The following TRAK2 variants were observed in gnomAD, a reference collection of about 807,000 sequenced individuals.
TRAK2 encodes the protein trafficking kinesin-binding protein 2.
Under a neutral mutation model 104.6 loss-of-function variants are expected in TRAK2, and 81 were observed. That is an observed-to-expected ratio of 0.77 (90% confidence interval 0.65 to 0.93). The LOEUF is 0.93. TRAK2 is among the 40% of genes least tolerant of loss of function. The pLI, the probability that TRAK2 is intolerant of heterozygous loss-of-function variation, is 0.00. For synonymous variants in TRAK2, 406 were observed against 394.4 expected, an observed-to-expected ratio of 1.03 and a Z score of -0.35; for missense variants, 1,002 against 1,089.0, an observed-to-expected ratio of 0.92 and a Z score of 1.12.
rs761557672 is a variant in TRAK2, at chr2:201,393,046, G to A, written c.976C>T (p.Leu326=). 6.2e-7 allele frequency: 1 copy of A among 1,608,164 alleles called. No homozygotes were observed. The highest frequency in any genetic ancestry group is 8.5e-7 in the Non-Finnish European group (1 of 1,177,072). Residue 326 remains leucine (L), a splice_region_variant and synonymous_variant, in exon 10 of 16, where the codon CTG becomes TTG. Coordinates refer to ENST00000332624, the MANE Select transcript of TRAK2 (RefSeq NM_015049.3). The part of the protein sequence containing the change: ...KDAQRQLTME[L]HELQDRNMEC... ...ATATTCCTGTCTTGTAACTCGTGCA[G>A]CTAAAAGAAAGGATGGTAGTGTACT...
Position 201,420,521 on chromosome 2 carries a change from T to C in TRAK2, c.-14A>G. On this transcript the variant is annotated 5_prime_UTR_variant, in exon 2 of 16. Transcript: ENST00000332624. ...GGATTGACTCATGCAGGATCCTTTCTTGCTTTGGTTGAGAAGGACAGCTTT... is the reference window on the plus strand; with the variant it reads ...GGATTGACTCATGCAGGATCCTTTCCTGCTTTGGTTGAGAAGGACAGCTTT... 1 of 1,607,778 alleles carries C rather than the reference T, an allele frequency of 6.2e-7. No homozygotes were observed. The highest frequency in any genetic ancestry group is 1.1e-5 in the South Asian group (1 of 90,964).
chr2:201,388,148 C>T, intron 12 of TRAK2, 147 bp from the exon 13 acceptor site: 1 of 825,632 alleles, frequency 1.2e-6, no homozygotes. Flanking sequence ...GTAATAACAA[C>T]AAACCAAAAT....
At chr2:201,412,474 C>T (rs1392392676) in intron 2 of TRAK2, 4 of 1,142,266 alleles carry the variant, frequency 3.5e-6, no homozygotes, top group Non-Finnish European at 5.3e-6. Flanking sequence ...ATCCAACTGC[C>T]TACTGAAACT....
intron 1 of TRAK2, among the ~76,000 whole-genome samples, chr2:201,429,696 A>G (rs1951824300): frequency 6.6e-6 from 1 of 152,158 alleles, no homozygotes; most frequent in South Asian, 2.1e-4. Context: ...TTCTTGTGCC[A>G]TGGTTTTCAG....
At position 201,377,218 on chromosome 2, in the gene TRAK2, G is replaced by A. The variant is rs1181403225; in HGVS notation, c.*3325C>T. On this transcript the variant is annotated 3_prime_UTR_variant, in exon 16 of 16. Coordinates refer to ENST00000332624, the MANE Select transcript of TRAK2 (RefSeq NM_015049.3). ...CACAGGGAGACAAATGAAAATTCAA[G>A]CTACTCATGTTTATTAACTGATCTA... 1 of 152,186 alleles carries A rather than the reference G, an allele frequency of 6.6e-6. No homozygotes were observed. Among genetic ancestry groups the A allele is most frequent in the Non-Finnish European group, 1.5e-5 (1 of 68,038 alleles). 9.4% of individuals were successfully genotyped at this position (152,186 alleles called of 1,614,324 possible).
At chr2:201,390,009 A>C (rs1182206538) in intron 10 of TRAK2, 129 bp from the exon 11 acceptor site, 7 of 620,444 alleles carry the variant, frequency 1.1e-5, no homozygotes, top group Non-Finnish European at 1.9e-5. Flanking sequence ...CAGGGGAAAA[A>C]AGACATTCTG....
chr2:201,449,696 G>A (rs1367235636), intron 1 of TRAK2, among the ~76,000 whole-genome samples: 1 of 151,542 alleles, frequency 6.6e-6, no homozygotes, highest in Non-Finnish European at 1.5e-5. Flanking sequence ...GCCCAGGCTG[G>A]AGTGCAGGGG....
intron 1 of TRAK2, among the ~76,000 whole-genome samples, chr2:201,428,362 G>C (rs995054789): frequency 6.6e-6 from 1 of 152,174 alleles, no homozygotes; most frequent in African/African-American, 2.4e-5. Context: ...GTAAGGAAGG[G>C]ATCCAACTTC....
At position 201,387,881 on chromosome 2, in the gene TRAK2, T is replaced by C. The variant is rs770867101; in HGVS notation, c.1518A>G (p.Glu506=). Reference sequence around the variant, plus strand: ...CCAGAACCTGGATCTTCCGCTGCCATTCTTCAGCAAAGAACTGCTTCTCAC... The same window carrying C: ...CCAGAACCTGGATCTTCCGCTGCCACTCTTCAGCAAAGAACTGCTTCTCAC... ...YLSEKQFFAE[E]WQRKIQVLAD... Residue 506 remains glutamate (E), a synonymous_variant, in exon 13 of 16, where the codon GAA becomes GAG. Coordinates refer to ENST00000332624, the MANE Select transcript of TRAK2 (RefSeq NM_015049.3). 9 of 1,614,176 alleles carry C rather than the reference T, an allele frequency of 5.6e-6. No homozygotes were observed. Among genetic ancestry groups the C allele is most frequent in the Admixed American group, 1.7e-5 (1 of 60,022 alleles).
intron 7 of TRAK2, among the ~76,000 whole-genome samples, chr2:201,395,926 T>A (rs1414789668): frequency 6.6e-6 from 1 of 152,202 alleles, no homozygotes; most frequent in Non-Finnish European, 1.5e-5. Flanking sequence ...CAGAATGTGA[T>A]AAAGCTACGG....
In TRAK2 at chr2:201,380,498, C is replaced by T; in HGVS notation, c.*45G>A. On this transcript the variant is annotated 3_prime_UTR_variant, in exon 16 of 16. Coordinates refer to ENST00000332624, the MANE Select transcript of TRAK2 (RefSeq NM_015049.3). ...ACCACATGTTTCAGTGCATATCTAT[C>T]CTTCATGTGCTAACTTGTATAAAAG... is the stretch of plus-strand genomic sequence containing the variant. The T allele has an allele frequency of 6.4e-7, 1 of 1,570,880 alleles. No homozygotes were observed. The highest frequency in any genetic ancestry group is 8.7e-7 in the Non-Finnish European group (1 of 1,148,718).
chr2:201,419,768 T>C (rs2125654373), intron 2 of TRAK2, among the ~76,000 whole-genome samples: 1 of 152,330 alleles, frequency 6.6e-6, no homozygotes, highest in Admixed American at 6.5e-5. Flanking sequence ...GGTTTCAGAA[T>C]TCAGAATTTT....
At chr2:201,388,170 C>T (rs1485394864) in intron 12 of TRAK2, 169 bp from the exon 13 acceptor site, 17 of 699,458 alleles carry the variant, frequency 2.4e-5, no homozygotes, top group Admixed American at 1.3e-4. Flanking sequence ...ACCAACAACA[C>T]TATATATCAT....
In TRAK2 at chr2:201,425,694, C is replaced by T. The variant is rs1951781366; in HGVS notation, c.-199-4988G>A. Among the ~76,000 whole-genome samples the T allele has an allele frequency of 2.0e-5, 3 of 150,490 alleles. No individual in the cohort carries two copies. The Admixed American group carries it at 2.0e-4, about 10-fold the overall frequency. On this transcript the variant is annotated intron_variant, in intron 1 of 15. Transcript: ENST00000332624. ...GGGATTACAGGCATGAGCCACCGTG[C>T]CCCACTCCAGAAAGCATTGCTTTTT... is the stretch of plus-strand genomic sequence containing the variant.
chr2:201,424,618 T>C (rs1951770930), intron 1 of TRAK2, among the ~76,000 whole-genome samples: 1 of 151,616 alleles, frequency 6.6e-6, no homozygotes, highest in Non-Finnish European at 1.5e-5. Context: ...TTTTTTTGTT[T>C]TTGAGACAGA....
At position 201,387,691 on chromosome 2, in the gene TRAK2, C is replaced by T; in HGVS notation, c.1696+12G>A. 2.5e-6 allele frequency: 4 copies of T among 1,572,074 alleles called. No individual in the cohort carries two copies. The highest frequency in any genetic ancestry group is 1.2e-5 in the South Asian group (1 of 85,298). On this transcript the variant is annotated intron_variant, in intron 13 of 15. Coordinates refer to ENST00000332624, the MANE Select transcript of TRAK2 (RefSeq NM_015049.3). The stretch of plus-strand genomic sequence containing the variant: ...TCACATGGCTTAGTAAGGGCCCTTA[C>T]TGATTTATTACCTTCAAGGGGCTTG...
intron 1 of TRAK2, among the ~76,000 whole-genome samples, chr2:201,422,179 G>A (rs553799227): frequency 1.3e-5 from 2 of 152,060 alleles, no homozygotes; most frequent in South Asian, 4.2e-4. Flanking sequence ...TTACACAATG[G>A]ATATACTCAC....
At chr2:201,440,002 T>C (rs1338942113) in intron 1 of TRAK2, among the ~76,000 whole-genome samples, 4 of 146,870 alleles carry the variant, frequency 2.7e-5, no homozygotes, top group Non-Finnish European at 1.5e-5. Flanking sequence ...AGTTAATGGG[T>C]GCAGCACACC....
At chr2:201,405,851 G>A (rs892591805) in intron 3 of TRAK2, among the ~76,000 whole-genome samples, 3 of 151,902 alleles carry the variant, frequency 2.0e-5, no homozygotes, top group South Asian at 2.1e-4. Context: ...GCATAGTGGC[G>A]CCCGCCTATA....
Sources: allele counts gnomAD v4.1 joint callset (sites outside exome capture counted in the v4.1 genomes callset), GRCh38; gene constraint gnomAD v4.1.1; transcripts MANE v1.5; gene names NCBI Gene and HGNC (gene_info 2026-07-23, HGNC 2026-07-21).